The following NEK11 variants were observed in gnomAD, a reference collection of about 807,000 sequenced individuals.
The protein encoded by NEK11 is serine/threonine-protein kinase Nek11.
Under a neutral mutation model 80.7 loss-of-function variants are expected in NEK11, and 72 were observed. The ratio of observed to expected loss-of-function variants is 0.89; its 90% CI spans 0.74 to 1.08. The LOEUF is 1.08. Ranked by LOEUF, NEK11 falls within the 50% of genes least tolerant of loss-of-function variation. The pLI is 0.00. For missense variants in NEK11, 764 were observed against 763.6 expected, an observed-to-expected ratio of 1.00 and a Z score of -0.01; for synonymous variants, 251 against 260.7, an observed-to-expected ratio of 0.96 and a Z score of 0.36.
chr3:131,235,046 G>A (rs1370946559), intron 15 of NEK11, among the ~76,000 whole-genome samples: 1 of 152,178 alleles, frequency 6.6e-6, no homozygotes, highest in Non-Finnish European at 1.5e-5. Context: ...GGAATGCAAA[G>A]TGTCTGAGTG....
At chr3:131,188,396 A>G (rs550529604) in intron 14 of NEK11, among the ~76,000 whole-genome samples, 8 of 152,318 alleles carry the variant, frequency 5.3e-5, no homozygotes, top group African/African-American at 1.7e-4. Flanking sequence ...CTAACCTAGT[A>G]TAATAAACTT....
intron 3 of NEK11, among the ~76,000 whole-genome samples, chr3:131,054,807 C>T (rs1442651606): frequency 1.3e-5 from 2 of 148,490 alleles, no homozygotes; most frequent in East Asian, 2.0e-4. Flanking sequence ...TGAATGTACC[C>T]GGTAGATATG....
At chr3:131,348,608 C>T (rs2097402749) in intron 17 of NEK11, among the ~76,000 whole-genome samples, 1 of 151,050 alleles carries the variant, frequency 6.6e-6, no homozygotes, top group South Asian at 2.1e-4. Flanking sequence ...CCAAATGTTG[C>T]CCATAGGTCT....
At chr3:131,290,180 G>T (rs967950395) in intron 17 of NEK11, among the ~76,000 whole-genome samples, 1 of 152,184 alleles carries the variant, frequency 6.6e-6, no homozygotes, top group Non-Finnish European at 1.5e-5. Flanking sequence ...ACACTATTGG[G>T]CAGAGCCCTG....
At chr3:131,105,071 A>G (rs772253149) in intron 4 of NEK11, among the ~76,000 whole-genome samples, 7 of 152,200 alleles carry the variant, frequency 4.6e-5, no homozygotes, top group Admixed American at 6.5e-5. Context: ...GTTTACTTGC[A>G]GCTCTGCCTC....
At chr3:131,300,169 GTA>G (rs2096645606) in intron 17 of NEK11, among the ~76,000 whole-genome samples, 1 of 152,080 alleles carries the variant, frequency 6.6e-6, no homozygotes, top group South Asian at 2.1e-4. Context: ...GGCCACATGT[GTA>G]TGTCTTCTTT....
At chr3:131,266,603 T>G (rs959122382) in intron 16 of NEK11, among the ~76,000 whole-genome samples, 1 of 152,170 alleles carries the variant, frequency 6.6e-6, no homozygotes, top group East Asian at 1.9e-4. Flanking sequence ...TTGCATTTGC[T>G]AAAGGAGTGT....
At chr3:131,032,630 G>T (rs532821990) in intron 3 of NEK11, among the ~76,000 whole-genome samples, 1 of 152,324 alleles carries the variant, frequency 6.6e-6, no homozygotes, top group South Asian at 2.1e-4. Context: ...CCCAGCTTTG[G>T]ATGTGAACAA....
At chr3:131,234,597 G>A (rs1436058308) in intron 15 of NEK11, among the ~76,000 whole-genome samples, 2 of 152,058 alleles carry the variant, frequency 1.3e-5, no homozygotes, top group African/African-American at 4.8e-5. Flanking sequence ...GTTGCTCAAA[G>A]GAGAGACTTT....
At chr3:131,131,832 A>G (rs1328101066) in intron 5 of NEK11, among the ~76,000 whole-genome samples, 3 of 151,990 alleles carry the variant, frequency 2.0e-5, no homozygotes, top group South Asian at 2.1e-4. Flanking sequence ...TAATATATAT[A>G]TTCAGTGCTG....
At chr3:131,033,118 T>C (rs555661715) in intron 3 of NEK11, among the ~76,000 whole-genome samples, 14 of 152,308 alleles carry the variant, frequency 9.2e-5, no homozygotes, top group Admixed American at 9.1e-4. Context: ...AATGTGAACC[T>C]TTTAGCTAAG....
chr3:131,097,914 A>G (rs1377648842), intron 4 of NEK11, among the ~76,000 whole-genome samples: 7 of 145,442 alleles, frequency 4.8e-5, no homozygotes, highest in African/African-American at 1.7e-4. Flanking sequence ...CTATACTACA[A>G]GGCTACAGTA....
At chr3:131,174,411 T>C (rs2092887863) in intron 14 of NEK11, among the ~76,000 whole-genome samples, 1 of 152,238 alleles carries the variant, frequency 6.6e-6, no homozygotes, top group Non-Finnish European at 1.5e-5. Flanking sequence ...TTATTTGGCA[T>C]GTATATGTAA....
chr3:131,236,164 T>G (rs1443448579), intron 15 of NEK11, among the ~76,000 whole-genome samples: 1 of 152,212 alleles, frequency 6.6e-6, no homozygotes, highest in Non-Finnish European at 1.5e-5. Flanking sequence ...AGGACTTTCT[T>G]CTCTAGGCTA....
In NEK11 at chr3:131,166,163, A is replaced by T. The variant is rs548360106; in HGVS notation, c.1176+644A>T. On this transcript the variant is annotated intron_variant, in intron 12 of 17. Coordinates refer to ENST00000383366, the MANE Select transcript of NEK11 (RefSeq NM_024800.5). The stretch of plus-strand genomic sequence containing the variant: ...TTACAACGTCAAATTTGGGCAATAG[A>T]CATCAATACCAACCTCATAGCACTT... 2.6e-5 allele frequency among the ~76,000 whole-genome samples: 4 copies of T among 152,362 alleles called. No homozygotes were observed. The South Asian group carries it at 8.3e-4, about 32-fold the overall frequency.
chr3:131,218,761 G>T (rs2094925414), intron 14 of NEK11, among the ~76,000 whole-genome samples: 1 of 152,202 alleles, frequency 6.6e-6, no homozygotes, highest in Admixed American at 6.5e-5. Context: ...GCATGAGACG[G>T]TATCTCATTG....
At chr3:131,335,581 C>T (rs2097168275) in intron 17 of NEK11, among the ~76,000 whole-genome samples, 1 of 152,164 alleles carries the variant, frequency 6.6e-6, no homozygotes. Flanking sequence ...CCTCTCTCAC[C>T]ACTCCTATTC....
chr3:131,170,949 G>T, intron 14 of NEK11, 62 bp downstream of exon 14: 1 of 1,207,150 alleles, frequency 8.3e-7, no homozygotes, highest in South Asian at 1.2e-5. Flanking sequence ...TGCTGTGGCC[G>T]ACTTTGCAGT....
chr3:131,316,100 G>A (rs1166394250), intron 17 of NEK11, among the ~76,000 whole-genome samples: 2 of 151,990 alleles, frequency 1.3e-5, no homozygotes, highest in South Asian at 2.1e-4. Flanking sequence ...TAGTTCTGTG[G>A]TTACTATAAA....
Sources: gnomAD v4.1 joint callset for allele counts (sites outside exome capture counted in the v4.1 genomes callset) on GRCh38, gnomAD v4.1.1 for gene constraint, MANE v1.5 for transcripts, NCBI Gene and HGNC (gene_info 2026-07-23, HGNC 2026-07-21) for gene names.